Variants in SDHC observed in about 807,000 individuals in gnomAD.
SDHC encodes the protein succinate dehydrogenase complex subunit C.
In SDHC, 11 loss-of-function variants were observed where a neutral mutation model predicts 22.6. That is an observed-to-expected ratio of 0.49 (90% CI 0.31 to 0.81). The LOEUF is 0.81. SDHC is among the 30% of genes least tolerant of loss of function. The pLI is 0.05. For synonymous variants in SDHC, 80 were observed against 77.8 expected, an observed-to-expected ratio of 1.03 and a Z score of -0.15; for missense variants, 160 against 212.0, an observed-to-expected ratio of 0.75 and a Z score of 1.52.
chr1:161,325,407 T>C (rs1415082695), intron 2 of SDHC, among the ~76,000 whole-genome samples: 2 of 152,010 alleles, frequency 1.3e-5, no homozygotes, highest in Admixed American at 6.6e-5. Flanking sequence ...AGGCTGGGCA[T>C]GGTGGCTCAT....
intron 1 of SDHC, among the ~76,000 whole-genome samples, chr1:161,318,997 T>C (rs1670735671): frequency 6.6e-6 from 1 of 152,202 alleles, no homozygotes; most frequent in Non-Finnish European, 1.5e-5. Context: ...TGAGCCAAGA[T>C]TGTGCTGTTG....
At chr1:161,329,938 AC>A (rs2102311090) in intron 3 of SDHC, among the ~76,000 whole-genome samples, 1 of 152,186 alleles carries the variant, frequency 6.6e-6, no homozygotes, top group Admixed American at 6.5e-5. Flanking sequence ...CTTTCAAGGG[AC>A]CCTTGTCATT....
chr1:161,338,081 G>T (rs1042444760), intron 3 of SDHC, among the ~76,000 whole-genome samples: 3 of 152,076 alleles, frequency 2.0e-5, no homozygotes, highest in African/African-American at 7.2e-5. Context: ...GCTCCTTCTG[G>T]GTTTCGGTCT....
intron 2 of SDHC, among the ~76,000 whole-genome samples, chr1:161,327,179 T>G (rs528112621): frequency 6.6e-6 from 1 of 152,314 alleles, no homozygotes; most frequent in South Asian, 2.1e-4. Context: ...TCTGCCCACC[T>G]TAGCCTCCCA....
chr1:161,339,964 G>A (rs1321877190), intron 3 of SDHC, among the ~76,000 whole-genome samples: 2 of 152,002 alleles, frequency 1.3e-5, no homozygotes, highest in East Asian at 3.9e-4. Context: ...ACAGGCGTGA[G>A]GCACCGCGCC....
intron 2 of SDHC, among the ~76,000 whole-genome samples, chr1:161,327,208 C>T (rs931671360): frequency 2.0e-5 from 3 of 152,202 alleles, no homozygotes; most frequent in Non-Finnish European, 4.4e-5. Flanking sequence ...GGATTATAGG[C>T]GTGAGCCACC....
chr1:161,348,189 C>T (rs959147477), intron 4 of SDHC, among the ~76,000 whole-genome samples: 2 of 151,682 alleles, frequency 1.3e-5, no homozygotes, highest in African/African-American at 4.8e-5. Flanking sequence ...TGGAGTCTTG[C>T]CCTGTCGCCC....
intron 3 of SDHC, among the ~76,000 whole-genome samples, chr1:161,340,172 C>A (rs969028295): frequency 6.6e-6 from 1 of 151,872 alleles, no homozygotes; most frequent in African/African-American, 2.4e-5. Context: ...ACCTGTAATC[C>A]CAGCTACTCA....
intron 4 of SDHC, 66 bp downstream of exon 4, chr1:161,340,721 C>T: frequency 8.2e-7 from 1 of 1,217,320 alleles, no homozygotes; most frequent in Non-Finnish European, 1.2e-6. Flanking sequence ...TTCATTGGCC[C>T]TAGTCTCCGC....
intron 4 of SDHC, among the ~76,000 whole-genome samples, chr1:161,345,698 C>T (rs1024067704): frequency 1.4e-4 from 22 of 152,074 alleles, no homozygotes; most frequent in South Asian, 8.3e-4. Flanking sequence ...CCTTGTGATC[C>T]GCCCGCCTCG....
At chr1:161,361,105 G>A (rs896460677) in intron 5 of SDHC, among the ~76,000 whole-genome samples, 6 of 152,124 alleles carry the variant, frequency 3.9e-5, no homozygotes, top group African/African-American at 1.2e-4. Flanking sequence ...GTTCACGCCC[G>A]TAATGCCAGC....
Position 161,323,633 on chromosome 1 carries a change from C to T in SDHC, c.40C>T (p.Leu14Phe), listed in dbSNP as rs760986608. The T allele has an allele frequency of 6.2e-6, 10 of 1,613,720 alleles. No individual in the cohort carries two copies. Among genetic ancestry groups the T allele is most frequent in the South Asian group, 1.1e-5 (1 of 91,066 alleles). The change falls in exon 2 of 6, where the codon CTC becomes TTC. Residue 14 changes from leucine (L) to phenylalanine (F), a missense_variant. Leu to Phe is a conservative substitution (Grantham distance 22). Coordinates refer to ENST00000367975, the MANE Select transcript of SDHC (RefSeq NM_003001.5). The stretch of plus-strand genomic sequence containing the variant: ...TTGCAGACACGTTGGTCGTCATTGC[C>T]TCCGAGCCCACTTTAGCCCTCAGCT... ...LLLRHVGRHC[L>F]RAHFSPQLCI...
At chr1:161,339,597 C>G in intron 3 of SDHC, 1 of 1,223,888 alleles carries the variant, frequency 8.2e-7, no homozygotes, top group Non-Finnish European at 1.1e-6. Context: ...AGGTAGGGAT[C>G]CTTCTCCATA....
chr1:161,343,873 T>A (rs547274715), intron 4 of SDHC, among the ~76,000 whole-genome samples: 10 of 152,254 alleles, frequency 6.6e-5, no homozygotes, highest in African/African-American at 1.7e-4. Context: ...GATAAAAAAA[T>A]ATTCATTTGT....
intron 3 of SDHC, among the ~76,000 whole-genome samples, chr1:161,337,526 G>A (rs1296729332): frequency 2.0e-5 from 3 of 152,168 alleles, no homozygotes; most frequent in Non-Finnish European, 4.4e-5. Flanking sequence ...CAGGTTCAAG[G>A]GTAGAGGCTA....
intron 5 of SDHC, among the ~76,000 whole-genome samples, chr1:161,358,356 C>G (rs1253802709): frequency 1.3e-5 from 2 of 151,514 alleles, no homozygotes; most frequent in African/African-American, 2.4e-5. Context: ...TGGTCTTGAA[C>G]TCTTGGCTTC....
chr1:161,335,418 T>C (rs1039052045), intron 3 of SDHC, among the ~76,000 whole-genome samples: 1 of 152,210 alleles, frequency 6.6e-6, no homozygotes, highest in African/African-American at 2.4e-5. Context: ...TTGGAGGTAC[T>C]TGCCTAAATC....
At chr1:161,323,254 T>G (rs1352349843) in intron 1 of SDHC, among the ~76,000 whole-genome samples, 2 of 152,114 alleles carry the variant, frequency 1.3e-5, no homozygotes, top group Non-Finnish European at 2.9e-5. Flanking sequence ...CGCCTCGGCC[T>G]CCCAAAGTGC....
chr1:161,344,451 C>T (rs571192784), intron 4 of SDHC, among the ~76,000 whole-genome samples: 2 of 149,226 alleles, frequency 1.3e-5, no homozygotes, highest in South Asian at 4.3e-4. Flanking sequence ...AAGACCCTAT[C>T]TCAAAAAAAA....
Sources: allele counts gnomAD v4.1 joint callset (sites outside exome capture counted in the v4.1 genomes callset), GRCh38; gene constraint gnomAD v4.1.1; transcripts MANE v1.5; gene names NCBI Gene and HGNC (gene_info 2026-07-23, HGNC 2026-07-21).